The following PFKFB4 variants were observed in gnomAD, a reference collection of about 807,000 sequenced individuals.
PFKFB4 encodes 6-phosphofructo-2-kinase/fructose-2,6-bisphosphatase 4.
A neutral mutation model predicts 62.8 loss-of-function variants in PFKFB4; 42 were observed. The observed-to-expected ratio is 0.67, with a 90% CI of 0.52 to 0.86. The LOEUF (loss-of-function observed/expected upper bound fraction) is 0.86, where lower values mean the gene tolerates loss of function less well. PFKFB4 is among the 40% of genes least tolerant of loss of function. The pLI is 0.00. For missense variants in PFKFB4, 475 were observed against 627.2 expected (o/e 0.76, Z 2.59); for synonymous variants, 204 against 240.7 (o/e 0.85, Z 1.41).
At chr3:48,546,018 CGTGTGTGTGTGT>C (rs145258700) in intron 3 of PFKFB4, among the ~76,000 whole-genome samples, 11 of 150,588 alleles carry the variant, frequency 7.3e-5, no homozygotes, top group African/African-American at 2.7e-4. Context: ...TGTGTGTGTG[CGTGTGTGTGTGT>C]GTGTATAAGA....
chr3:48,525,887 T>G, intron 9 of PFKFB4: 1 of 376,202 alleles, frequency 2.7e-6, no homozygotes, highest in Non-Finnish European at 4.8e-6. Context: ...CTTGTCCACC[T>G]ATCCATCACC....
intron 9 of PFKFB4, among the ~76,000 whole-genome samples, chr3:48,531,728 G>C (rs2042434422): frequency 1.3e-5 from 2 of 152,056 alleles, no homozygotes; most frequent in African/African-American, 4.8e-5. Flanking sequence ...GGGAGGTCAA[G>C]GCTGCAGTGA....
intron 3 of PFKFB4, 54 bp from the exon 4 acceptor site, chr3:48,543,700 G>T: frequency 2.1e-6 from 3 of 1,433,146 alleles, no homozygotes; most frequent in Non-Finnish European, 2.9e-6. Context: ...GCTCCAGGAG[G>T]GTGGCCAGGG....
intron 9 of PFKFB4, chr3:48,526,155 C>G: frequency 6.6e-6 from 1 of 151,802 alleles, no homozygotes; most frequent in Non-Finnish European, 1.5e-5. Flanking sequence ...GTCAGGAGTT[C>G]AAGACCAGCC....
intron 9 of PFKFB4, among the ~76,000 whole-genome samples, chr3:48,529,209 GTA>G (rs1176069416): frequency 6.6e-6 from 1 of 151,750 alleles, no homozygotes; most frequent in Admixed American, 6.6e-5. Context: ...GGCCTGAACT[GTA>G]TATTTTAAAT....
chr3:48,529,972 G>A (rs535791840), intron 9 of PFKFB4, among the ~76,000 whole-genome samples: 6 of 151,982 alleles, frequency 3.9e-5, no homozygotes, highest in Middle Eastern at 3.4e-3. Context: ...AATAAAATAG[G>A]CCAGGCATAG....
At chr3:48,539,440 C>T (rs938983200) in intron 5 of PFKFB4, 130 bp from the exon 6 acceptor site, 1 of 853,796 alleles carries the variant, frequency 1.2e-6, no homozygotes, top group African/African-American at 1.7e-5. Context: ...GCCCTGAAAC[C>T]CTGCTTCAGA....
intron 4 of PFKFB4, among the ~76,000 whole-genome samples, chr3:48,541,504 C>A (rs1315160479): frequency 1.3e-5 from 2 of 152,050 alleles, no homozygotes; most frequent in East Asian, 3.9e-4. Context: ...CTCTTGGGCT[C>A]AAGCAGTCCT....
intron 7 of PFKFB4, among the ~76,000 whole-genome samples, chr3:48,537,343 G>C (rs2042652671): frequency 6.6e-6 from 1 of 152,054 alleles, no homozygotes; most frequent in Non-Finnish European, 1.5e-5. Context: ...GAACCATGAA[G>C]AGAAATGCTG....
At chr3:48,550,033 G>C in intron 2 of PFKFB4, 73 bp from the exon 3 acceptor site, 1 of 1,432,158 alleles carries the variant, frequency 7.0e-7, no homozygotes, top group South Asian at 1.1e-5. Flanking sequence ...CCCAACCCCA[G>C]GCCAAATAAT....
chr3:48,529,112 A>G (rs534115893), intron 9 of PFKFB4, among the ~76,000 whole-genome samples: 49 of 152,118 alleles, frequency 3.2e-4, no homozygotes, highest in African/African-American at 1.2e-3. Context: ...ATCTCAGCTC[A>G]CTGCAACCTC....
At position 48,542,210 on chromosome 3, in the gene PFKFB4, T is replaced by C. The variant is rs184743828; in HGVS notation, c.378+1370A>G. Among the ~76,000 whole-genome samples, 1,084 of 151,790 alleles carry C rather than the reference T, an allele frequency of 7.1e-3. 11 individuals carry two copies. Among genetic ancestry groups the C allele is most frequent in the African/African-American group, 0.025 (1,038 of 41,408 alleles). ...TTAGCCGGGCACAGTGGCGGGGGCT[T>C]GTAGTCCCAGCTACTCAGGACGCTG... On this transcript the variant is annotated intron_variant, in intron 4 of 13. Coordinates refer to ENST00000232375, the MANE Select transcript of PFKFB4 (RefSeq NM_004567.4).
At chr3:48,543,008 A>G (rs2042846211) in intron 4 of PFKFB4, among the ~76,000 whole-genome samples, 2 of 152,174 alleles carry the variant, frequency 1.3e-5, no homozygotes, top group South Asian at 4.1e-4. Context: ...GCTGTGCTAC[A>G]GGCACAGATT....
At chr3:48,554,288 A>C (rs1473390731) in intron 1 of PFKFB4, among the ~76,000 whole-genome samples, 2 of 152,180 alleles carry the variant, frequency 1.3e-5, no homozygotes, top group Non-Finnish European at 2.9e-5. Context: ...TACTATGCAA[A>C]GGGTAAAGTG....
At chr3:48,523,425 TG>T in intron 12 of PFKFB4, 111 bp downstream of exon 12, 1 of 1,017,296 alleles carries the variant, frequency 9.8e-7, no homozygotes, top group Non-Finnish European at 1.5e-6. Flanking sequence ...GGGTAGTAGG[TG>T]GAGGAATGGG....
chr3:48,533,031 T>A (rs540897534), intron 9 of PFKFB4, among the ~76,000 whole-genome samples: 1 of 152,190 alleles, frequency 6.6e-6, no homozygotes, highest in African/African-American at 2.4e-5. Context: ...AATAGAGTTA[T>A]TGTTTTTCTT....
chr3:48,526,237 C>G (rs1285684144), intron 9 of PFKFB4, among the ~76,000 whole-genome samples: 4 of 141,564 alleles, frequency 2.8e-5, no homozygotes, highest in Non-Finnish European at 3.1e-5. Flanking sequence ...GCCTGGGCAA[C>G]AGAGAGAGAC....
intron 9 of PFKFB4, among the ~76,000 whole-genome samples, chr3:48,527,981 G>A (rs1045071889): frequency 2.6e-5 from 4 of 151,942 alleles, no homozygotes; most frequent in South Asian, 4.2e-4. Context: ...GAGCCACTAC[G>A]CCCGGCCAGC....
At chr3:48,536,235 C>A (rs760969562) in intron 8 of PFKFB4, 21 bp downstream of exon 8, 2 of 1,603,396 alleles carry the variant, frequency 1.2e-6, no homozygotes, top group Non-Finnish European at 1.7e-6. Context: ...CGTGTGCGCA[C>A]GCAGGGACAC....
Sources: gnomAD v4.1 joint callset for allele counts (sites outside exome capture counted in the v4.1 genomes callset) on GRCh38, gnomAD v4.1.1 for gene constraint, MANE v1.5 for transcripts, NCBI Gene and HGNC (gene_info 2026-07-23, HGNC 2026-07-21) for gene names.